The following OPCML variants were observed in gnomAD, a reference collection of about 807,000 sequenced individuals.
OPCML encodes the protein opioid binding protein/cell adhesion molecule like, also known as opioid-binding protein/cell adhesion molecule.
OPCML carries 13 observed loss-of-function variants against 37.8 expected under a neutral mutation model. The ratio of observed to expected loss-of-function variants is 0.34; its 90% confidence interval spans 0.22 to 0.55. The LOEUF is 0.55. Among genes scored for constraint, OPCML ranks in the 20% least tolerant of loss-of-function variants. The probability of loss-of-function intolerance (pLI) is 0.91; values close to 1 mark genes in which losing one functional copy is unlikely to be tolerated. For missense variants in OPCML, 341 were observed against 435.6 expected, an observed-to-expected ratio of 0.78 and a Z score of 1.93; for synonymous variants, 176 against 168.8, an observed-to-expected ratio of 1.04 and a Z score of -0.33.
chr11:132,675,885 C>T (rs1434732934), intron 2 of OPCML, among the ~76,000 whole-genome samples: 2 of 152,058 alleles, frequency 1.3e-5, no homozygotes, highest in Non-Finnish European at 1.5e-5. Flanking sequence ...TCTACAGAGT[C>T]GATGCAGTCT....
chr11:133,469,473 C>A (rs1377860549), intron 1 of OPCML, among the ~76,000 whole-genome samples: 5 of 152,210 alleles, frequency 3.3e-5, no homozygotes, highest in Non-Finnish European at 7.3e-5. Context: ...TGACATGTTG[C>A]TGTCATACAA....
chr11:132,653,449 A>G (rs947062929), intron 3 of OPCML, among the ~76,000 whole-genome samples: 3 of 151,928 alleles, frequency 2.0e-5, no homozygotes, highest in African/African-American at 4.8e-5. Context: ...TTTCCCCCCA[A>G]CTAATCCGAC....
At chr11:133,306,668 G>T (rs1435955880) in intron 1 of OPCML, among the ~76,000 whole-genome samples, 1 of 152,116 alleles carries the variant, frequency 6.6e-6, no homozygotes, top group Admixed American at 6.5e-5. Flanking sequence ...TCTCAAGGGG[G>T]CAATGTAGTC....
intron 2 of OPCML, among the ~76,000 whole-genome samples, chr11:132,717,066 A>C (rs1944520799): frequency 6.6e-6 from 1 of 152,178 alleles, no homozygotes; most frequent in Non-Finnish European, 1.5e-5. Context: ...TATAATAATA[A>C]ATAATTATGT....
chr11:132,429,038 T>TGGAG (rs1175822153), intron 7 of OPCML, among the ~76,000 whole-genome samples: 10 of 134,872 alleles, frequency 7.4e-5, no homozygotes, highest in Non-Finnish European at 1.5e-4. Context: ...GATGGAGGGA[T>TGGAG]GGATGGATGG....
At chr11:132,726,758 T>C (rs768997924) in intron 2 of OPCML, among the ~76,000 whole-genome samples, 1 of 152,262 alleles carries the variant, frequency 6.6e-6, no homozygotes, top group South Asian at 2.1e-4. Flanking sequence ...TGGGGATTTA[T>C]CTGCGTTAAA....
chr11:132,745,075 C>T (rs966515488), intron 2 of OPCML, among the ~76,000 whole-genome samples: 1 of 152,178 alleles, frequency 6.6e-6, no homozygotes, highest in African/African-American at 2.4e-5. Flanking sequence ...CGCTCTCACA[C>T]TCACACAGCC....
At chr11:133,115,278 G>A (rs183733146) in intron 1 of OPCML, among the ~76,000 whole-genome samples, 51 of 152,302 alleles carry the variant, frequency 3.3e-4, no homozygotes, top group East Asian at 2.9e-3. Flanking sequence ...AGGACTGGGC[G>A]GACATCCAGC....
At chr11:132,510,799 A>G (rs1197182658) in intron 4 of OPCML, among the ~76,000 whole-genome samples, 1 of 152,192 alleles carries the variant, frequency 6.6e-6, no homozygotes, top group Non-Finnish European at 1.5e-5. Context: ...CACACAAATC[A>G]GCTACTAGGA....
intron 1 of OPCML, among the ~76,000 whole-genome samples, chr11:133,363,204 C>T (rs1231966698): frequency 1.3e-5 from 2 of 152,210 alleles, no homozygotes; most frequent in Admixed American, 6.5e-5. Flanking sequence ...CCCATCATGT[C>T]GCTGAGCACT....
At chr11:132,834,314 CA>C (rs1169989401) in intron 2 of OPCML, among the ~76,000 whole-genome samples, 1 of 152,108 alleles carries the variant, frequency 6.6e-6, no homozygotes, top group East Asian at 1.9e-4. Context: ...TTATTGAAAA[CA>C]GACTTGGGAG....
intron 1 of OPCML, among the ~76,000 whole-genome samples, chr11:133,138,120 C>G (rs1949718468): frequency 6.6e-6 from 1 of 152,162 alleles, no homozygotes; most frequent in South Asian, 2.1e-4. Context: ...AGCGAGTTCT[C>G]ACTCTCATGG....
chr11:132,479,085 G>T (rs1052612602), intron 4 of OPCML, among the ~76,000 whole-genome samples: 4 of 152,156 alleles, frequency 2.6e-5, no homozygotes, highest in Non-Finnish European at 4.4e-5. Context: ...CCTGAGTGAC[G>T]CAGAAGACGG....
At chr11:133,180,238 C>T (rs1322550445) in intron 1 of OPCML, among the ~76,000 whole-genome samples, 1 of 152,090 alleles carries the variant, frequency 6.6e-6, no homozygotes, top group Admixed American at 6.5e-5. Flanking sequence ...CCTGCCGTAG[C>T]GGACCCTCAC....
At chr11:132,488,675 T>A (rs772470381) in intron 4 of OPCML, among the ~76,000 whole-genome samples, 4 of 152,230 alleles carry the variant, frequency 2.6e-5, no homozygotes, top group Non-Finnish European at 5.9e-5. Flanking sequence ...TTTTCTTTAG[T>A]CATACATTAG....
chr11:132,878,751 T>C (rs1943118128), intron 2 of OPCML, among the ~76,000 whole-genome samples: 1 of 152,172 alleles, frequency 6.6e-6, no homozygotes, highest in African/African-American at 2.4e-5. Flanking sequence ...TATTGAGATA[T>C]CTCCTATTGG....
intron 1 of OPCML, among the ~76,000 whole-genome samples, chr11:133,001,372 C>A (rs927240753): frequency 1.3e-5 from 2 of 152,124 alleles, no homozygotes; most frequent in Non-Finnish European, 2.9e-5. Flanking sequence ...AAGAACTGGT[C>A]TCTGGTTTTT....
Position 133,367,667 on chromosome 11 carries a change from T to A in OPCML, c.61+164597A>T, listed in dbSNP as rs140111896. The stretch of plus-strand genomic sequence containing the variant: ...TTTAGCATCTAATAATAGCTCAATT[T>A]AGTCACAAATCCCATCTGTTTCTAC... On this transcript the variant is annotated intron_variant, in intron 1 of 7. Coordinates refer to ENST00000524381, the MANE Select transcript of OPCML (RefSeq NM_001012393.5). Among the ~76,000 whole-genome samples the A allele has an allele frequency of 3.2e-3, 494 of 152,338 alleles. 2 individuals carry two copies. Among genetic ancestry groups the A allele is most frequent in the African/African-American group, 0.01 (432 of 41,590 alleles).
At chr11:132,715,768 A>G (rs545374093) in intron 2 of OPCML, among the ~76,000 whole-genome samples, 4 of 152,196 alleles carry the variant, frequency 2.6e-5, no homozygotes, top group African/African-American at 9.6e-5. Context: ...TTGTTAATAG[A>G]CCATCTGTCC....
Sources: allele counts gnomAD v4.1 joint callset (sites outside exome capture counted in the v4.1 genomes callset), GRCh38; gene constraint gnomAD v4.1.1; transcripts MANE v1.5; gene names NCBI Gene and HGNC (gene_info 2026-07-23, HGNC 2026-07-21).